PRKAG2: variants seen among roughly 807,000 people sequenced by gnomAD.
PRKAG2 encodes the protein protein kinase AMP-activated non-catalytic subunit gamma 2, also known as 5'-AMP-activated protein kinase subunit gamma-2.
In PRKAG2, 26 loss-of-function variants were observed where a neutral mutation model predicts 69.6. The observed-to-expected ratio is 0.37, with a 90% CI of 0.27 to 0.52. The LOEUF is 0.52. Ranked by LOEUF, PRKAG2 falls within the 20% of genes least tolerant of loss-of-function variation. The pLI, the probability that PRKAG2 is intolerant of heterozygous loss-of-function variation, is 0.90. For missense variants in PRKAG2, 557 were observed against 740.0 expected, an observed-to-expected ratio of 0.75 and a Z score of 2.87; for synonymous variants, 293 against 285.0, an observed-to-expected ratio of 1.03 and a Z score of -0.28.
Position 151,724,674 on chromosome 7 carries a change from C to T in PRKAG2, c.467-49037G>A, listed in dbSNP as rs55651005. On this transcript the variant is annotated intron_variant, in intron 3 of 15. Transcript: ENST00000287878. ...TTTCAAAGGACCCTGTGCTCTCGGA[C>T]CCTGCGCAGGATTCCAGAGCTTGCA... Among the ~76,000 whole-genome samples the T allele has an allele frequency of 2.1e-3, 325 of 151,204 alleles. 2 individuals are homozygous for T. Among genetic ancestry groups the T allele is most frequent in the African/African-American group, 7.8e-3 (316 of 40,516 alleles).
rs1293788165 is a variant in PRKAG2 at position 151,850,181 on chromosome 7, T to A, written c.114+26326A>T. Among the ~76,000 whole-genome samples, 2 of 152,112 alleles carry A rather than the reference T, an allele frequency of 1.3e-5. No individual in the cohort carries two copies. The highest frequency in any genetic ancestry group is 1.3e-4 in the Admixed American group (2 of 15,278). On this transcript the variant is annotated intron_variant, in intron 1 of 15. Coordinates refer to ENST00000287878, the MANE Select transcript of PRKAG2 (RefSeq NM_016203.4). This position sits in a 1 kb window ranked among gnomAD's most constrained non-coding sequence, Gnocchi z 4.1. ...GGGTGCAGGGGAACCGTAGCACCAA[T>A]TACCCATAGTGGGCACATCAAATGA...
At chr7:151,620,976 C>T (rs1490838787) in intron 5 of PRKAG2, among the ~76,000 whole-genome samples, 3 of 152,182 alleles carry the variant, frequency 2.0e-5, no homozygotes, top group Non-Finnish European at 4.4e-5. Context: ...CCTTGGCCTC[C>T]CAAAGGCCTG....
intron 6 of PRKAG2, among the ~76,000 whole-genome samples, chr7:151,591,066 C>A (rs1288829586): frequency 1.3e-5 from 2 of 152,194 alleles, no homozygotes; most frequent in East Asian, 3.9e-4. Flanking sequence ...GCCACCTGCA[C>A]ATTCCATACC....
intron 3 of PRKAG2, among the ~76,000 whole-genome samples, chr7:151,763,431 G>GGC (rs766327995): frequency 1.4e-4 from 21 of 152,208 alleles, no homozygotes; most frequent in Non-Finnish European, 2.8e-4. Flanking sequence ...CGCAGGGGTG[G>GGC]GCTGGGAGAG....
At chr7:151,680,648 C>T (rs1248966217) in intron 3 of PRKAG2, among the ~76,000 whole-genome samples, 2 of 152,198 alleles carry the variant, frequency 1.3e-5, no homozygotes, top group African/African-American at 4.8e-5. Context: ...AATGGATTAT[C>T]CATTCAGAAA....
intron 5 of PRKAG2, among the ~76,000 whole-genome samples, chr7:151,616,766 T>C (rs537844305): frequency 6.6e-6 from 1 of 152,230 alleles, no homozygotes; most frequent in East Asian, 1.9e-4. Context: ...AAGAAGTGTT[T>C]GAGAGAGAAG....
chr7:151,862,847 G>GT (rs1280723080), intron 1 of PRKAG2, among the ~76,000 whole-genome samples: 7 of 151,396 alleles, frequency 4.6e-5, no homozygotes, highest in Non-Finnish European at 8.8e-5. Flanking sequence ...GGGAGCACTG[G>GT]TAGATCCCTG....
chr7:151,748,513 AT>A (rs2074442847), intron 3 of PRKAG2, among the ~76,000 whole-genome samples: 1 of 152,314 alleles, frequency 6.6e-6, no homozygotes, highest in East Asian at 1.9e-4. Context: ...AAATCATAAA[AT>A]AGTTGACGAG....
At chr7:151,748,884 G>A (rs568120965) in intron 3 of PRKAG2, among the ~76,000 whole-genome samples, 77 of 151,832 alleles carry the variant, frequency 5.1e-4, no homozygotes, top group African/African-American at 1.8e-3. Flanking sequence ...GAGATGAGCT[G>A]GGCACTTTCA....
intron 4 of PRKAG2, among the ~76,000 whole-genome samples, chr7:151,639,889 C>G (rs1429363770): frequency 4.6e-5 from 7 of 152,012 alleles, no homozygotes; most frequent in African/African-American, 1.7e-4. Flanking sequence ...ATCTATCAGT[C>G]AGTCAATCAA....
intron 1 of PRKAG2, among the ~76,000 whole-genome samples, chr7:151,840,290 G>A (rs2079245363): frequency 6.6e-6 from 1 of 152,140 alleles, no homozygotes; most frequent in Admixed American, 6.5e-5. Flanking sequence ...GCTGGCTAAG[G>A]TGCCTTCGAG....
At chr7:151,728,091 C>A (rs1412821365) in intron 3 of PRKAG2, among the ~76,000 whole-genome samples, 1 of 152,088 alleles carries the variant, frequency 6.6e-6, no homozygotes, top group Non-Finnish European at 1.5e-5. Context: ...ACGGGCCTGA[C>A]CGGGAGGGGA....
chr7:151,674,110 T>C (rs1415429493), intron 4 of PRKAG2, among the ~76,000 whole-genome samples: 1 of 152,176 alleles, frequency 6.6e-6, no homozygotes, highest in Non-Finnish European at 1.5e-5. Context: ...TCCAAAGTGC[T>C]GGGTTTACAG....
intron 3 of PRKAG2, among the ~76,000 whole-genome samples, chr7:151,739,170 A>G (rs963985025): frequency 6.6e-6 from 1 of 152,202 alleles, no homozygotes; most frequent in Non-Finnish European, 1.5e-5. Flanking sequence ...TGGTTCTAGC[A>G]TTTCAGATCC....
intron 1 of PRKAG2, among the ~76,000 whole-genome samples, chr7:151,803,613 A>G (rs1184475489): frequency 1.3e-5 from 2 of 152,226 alleles, no homozygotes; most frequent in Non-Finnish European, 2.9e-5. Context: ...CTAAGAATTT[A>G]AAATCAGTCA....
intron 5 of PRKAG2, among the ~76,000 whole-genome samples, chr7:151,609,822 TGAGA>T (rs1211106070): frequency 6.6e-6 from 1 of 152,270 alleles, no homozygotes; most frequent in Non-Finnish European, 1.5e-5. Flanking sequence ...GCTTCTAACG[TGAGA>T]AGAAAAGAAG....
chr7:151,753,850 A>G (rs796986361), intron 3 of PRKAG2, among the ~76,000 whole-genome samples: 4 of 152,242 alleles, frequency 2.6e-5, no homozygotes, highest in African/African-American at 9.6e-5. Context: ...CCTGGGCAAC[A>G]TGGCAAAACC....
At chr7:151,594,858 G>A (rs4726059) in intron 6 of PRKAG2, among the ~76,000 whole-genome samples, 23,571 of 151,956 alleles carry the variant, frequency 0.16, 1,946 homozygotes, top group East Asian at 0.26. Flanking sequence ...GAGTGCAGTG[G>A]CACAAGCTCG....
At chr7:151,819,316 G>A (rs1488268871) in intron 1 of PRKAG2, among the ~76,000 whole-genome samples, 1 of 152,226 alleles carries the variant, frequency 6.6e-6, no homozygotes, top group Admixed American at 6.5e-5. Context: ...AGAACAGGTT[G>A]GACCTGCCGC....
Sources: allele counts gnomAD v4.1 joint callset (sites outside exome capture counted in the v4.1 genomes callset), GRCh38; gene constraint gnomAD v4.1.1; non-coding constraint Gnocchi (gnomAD v3.1); transcripts MANE v1.5; gene names NCBI Gene and HGNC (gene_info 2026-07-23, HGNC 2026-07-21).